Variants in GTPBP1 observed in about 807,000 individuals in gnomAD.
The protein encoded by GTPBP1 is GTP-binding protein 1.
A neutral mutation model predicts 62.0 loss-of-function variants in GTPBP1; 23 were observed. That is an observed-to-expected ratio of 0.37 (90% CI 0.27 to 0.53). GTPBP1 has a LOEUF of 0.53. Among genes scored for constraint, GTPBP1 ranks in the 20% least tolerant of loss-of-function variants. The pLI, the probability that GTPBP1 is intolerant of heterozygous loss-of-function variation, is 0.89. For synonymous variants in GTPBP1, 344 were observed against 364.4 expected, an observed-to-expected ratio of 0.94 and a Z score of 0.64; for missense variants, 640 against 917.3, an observed-to-expected ratio of 0.70 and a Z score of 3.90.
Position 38,730,790 on chromosome 22 carries a change from C to T in GTPBP1, c.*86C>T. ...AGATGGGCAGAGCAGCTATGACCGC[C>T]ACCCAGCCCTCCCGCTCAGGCCACA... On this transcript the variant is annotated 3_prime_UTR_variant, in exon 12 of 12. Transcript: ENST00000216044. The surrounding 1 kb of genome is among the most constrained non-coding windows in gnomAD (Gnocchi z 5.6). The T allele has an allele frequency of 2.8e-6, 2 of 711,708 alleles. No homozygotes were observed. Among genetic ancestry groups the T allele is most frequent in the East Asian group, 5.7e-5 (2 of 35,176 alleles). 44.1% of individuals were successfully genotyped at this position (711,708 alleles called of 1,614,324 possible). A position where few individuals can be genotyped will look rare whatever the true frequency, so the allele number is the denominator to read the frequency against.
At chr22:38,724,023 T>C (rs1189835387) in intron 5 of GTPBP1, among the ~76,000 whole-genome samples, 1 of 152,124 alleles carries the variant, frequency 6.6e-6, no homozygotes, top group African/African-American at 2.4e-5. Flanking sequence ...GTCACATGCT[T>C]ACAGGAGGCA....
intron 2 of GTPBP1, 96 bp from the exon 3 acceptor site, chr22:38,715,811 T>TG: frequency 1.1e-6 from 1 of 925,092 alleles, no homozygotes; most frequent in Non-Finnish European, 1.7e-6. Flanking sequence ...GGTCGGGGGG[T>TG]GGTGGCCTTT....
chr22:38,740,242 C>T, downstream of GTPBP1: 2 of 1,529,226 alleles, frequency 1.3e-6, no homozygotes, highest in East Asian at 2.4e-5. The surrounding 1 kb of genome is among the most constrained non-coding windows in gnomAD (Gnocchi z 4.8). Context: ...GAGGGACCAG[C>T]AGGGCCCTGG....
intron 4 of GTPBP1, among the ~76,000 whole-genome samples, chr22:38,720,872 A>G (rs774875245): frequency 4.6e-5 from 7 of 152,178 alleles, no homozygotes; most frequent in Non-Finnish European, 7.4e-5. Context: ...AGATGGGGAA[A>G]CTGAGGGCCA....
chr22:38,740,159 G>C, downstream of GTPBP1: 1 of 1,375,000 alleles, frequency 7.3e-7, no homozygotes, highest in Non-Finnish European at 9.6e-7. The surrounding 1 kb of genome is among the most constrained non-coding windows in gnomAD (Gnocchi z 4.8). Flanking sequence ...AGTCTCTTGG[G>C]CATAACAGAG....
Position 38,717,009 on chromosome 22 carries a change from G to T in GTPBP1, c.834+9G>T, listed in dbSNP as rs768486963. ...ACTTCTGCATGCTCATGGTGAGTGGGAGGCGCCCCAAGGAGGGGAGGCGTC... is the reference window on the plus strand; with the variant it reads ...ACTTCTGCATGCTCATGGTGAGTGGTAGGCGCCCCAAGGAGGGGAGGCGTC... On this transcript the variant is annotated intron_variant, in intron 4 of 11. Coordinates refer to ENST00000216044, the MANE Select transcript of GTPBP1 (RefSeq NM_004286.5). The T allele has an allele frequency of 1.3e-6, 2 of 1,573,854 alleles. No homozygotes were observed. Among genetic ancestry groups the T allele is most frequent in the South Asian group, 1.1e-5 (1 of 89,832 alleles).
rs2092766767 is a variant in GTPBP1, at chr22:38,732,580, C to A, written c.*1876C>A. ...AGCGGTCTGCACACCGTTAGCCACC[C>A]TGCCACCTCTGTGCCCTGGGCAGGC... On this transcript the variant is annotated 3_prime_UTR_variant, in exon 12 of 12. Coordinates refer to ENST00000216044, the MANE Select transcript of GTPBP1 (RefSeq NM_004286.5). 1 of 152,314 alleles carries A rather than the reference C, an allele frequency of 6.6e-6. No individual in the cohort carries two copies. Among genetic ancestry groups the A allele is most frequent in the African/African-American group, 2.4e-5 (1 of 41,468 alleles). The allele number at this position is 152,314 out of a possible 1,614,324, so 9.4% of individuals were successfully genotyped here.
Position 38,716,946 on chromosome 22 carries a change from G to C in GTPBP1, c.780G>C (p.Leu260=). 6.2e-7 allele frequency: 1 copy of C among 1,613,980 alleles called. No homozygotes were observed. The highest frequency in any genetic ancestry group is 8.5e-7 in the Non-Finnish European group (1 of 1,179,842). The part of the protein sequence containing the change: ...FIDLAGHEKY[L]KTTVFGMTGH... ...ACTTGGCTGGTCATGAGAAGTACCTGAAAACCACTGTCTTCGGCATGACAG... is the reference window on the plus strand; with the variant it reads ...ACTTGGCTGGTCATGAGAAGTACCTCAAAACCACTGTCTTCGGCATGACAG... Residue 260 remains leucine (L), a synonymous_variant, in exon 4 of 12, where the codon CTG becomes CTC. Transcript: ENST00000216044. This position sits in a 1 kb window ranked among gnomAD's most constrained non-coding sequence, Gnocchi z 5.2.
Position 38,731,050 on chromosome 22 carries a change from G to GTGTGTGTGTGTGTGT in GTPBP1, c.*346_*347insTGTGTGTGTGTGTGT. The GTGTGTGTGTGTGTGT allele has an allele frequency of 4.8e-6, 1 of 206,516 alleles. No homozygotes were observed. The highest frequency in any genetic ancestry group is 9.4e-5 in the South Asian group (1 of 10,682). The allele number at this position is 206,516 out of a possible 1,614,324, so 12.8% of individuals were successfully genotyped here. A position where few individuals can be genotyped will look rare whatever the true frequency, so the allele number is the denominator to read the frequency against. The stretch of plus-strand genomic sequence containing the variant: ...TGTGTGTGTGTGTGTGTGTGTGTGT[G>GTGTGTGTGTGTGTGT]GTGCAGGAGTGCCACCCCCAGGGCC... On this transcript the variant is annotated 3_prime_UTR_variant, in exon 12 of 12. Transcript: ENST00000216044.
downstream of GTPBP1, chr22:38,739,778 C>T (rs140381759): frequency 1.9e-5 from 31 of 1,613,678 alleles, no homozygotes; most frequent in African/African-American, 6.7e-5. This position sits in a 1 kb window ranked among gnomAD's most constrained non-coding sequence, Gnocchi z 6.7. Flanking sequence ...AGGGAGGCCG[C>T]GGCTTCCCTG....
chr22:38,722,464 G>C (rs1186766628), intron 5 of GTPBP1, among the ~76,000 whole-genome samples: 1 of 152,336 alleles, frequency 6.6e-6, no homozygotes, highest in East Asian at 1.9e-4. Flanking sequence ...TAAGACAGAA[G>C]AGTGTTTCTA....
downstream of GTPBP1, chr22:38,740,637 G>T (rs1287646589): frequency 1.2e-5 from 7 of 570,660 alleles, no homozygotes; most frequent in Non-Finnish European, 2.1e-5. This position sits in a 1 kb window ranked among gnomAD's most constrained non-coding sequence, Gnocchi z 4.8. Context: ...TTCTGAGCCT[G>T]CTCCCTTTCT....
intron 1 of GTPBP1, among the ~76,000 whole-genome samples, chr22:38,707,009 C>T (rs899762523): frequency 2.2e-5 from 3 of 138,572 alleles, no homozygotes; most frequent in South Asian, 2.3e-4. Flanking sequence ...CCTTTCCTGC[C>T]CTACCATCGA....
intron 10 of GTPBP1, 38 bp downstream of exon 10, chr22:38,728,199 A>G (rs1339358231): frequency 1.4e-6 from 2 of 1,426,286 alleles, no homozygotes; most frequent in Non-Finnish European, 2.0e-6. Context: ...TCCAGGAAGC[A>G]CCAGGGGCCA....
At chr22:38,738,319 TC>T, downstream of GTPBP1, 1 of 1,471,462 alleles carries the variant, frequency 6.8e-7, no homozygotes, top group Non-Finnish European at 9.4e-7. This position sits in a 1 kb window ranked among gnomAD's most constrained non-coding sequence, Gnocchi z 6.6. Context: ...AGAACACCCC[TC>T]CCCACTCCAA....
At chr22:38,711,513 T>C (rs2092639424) in intron 2 of GTPBP1, among the ~76,000 whole-genome samples, 1 of 152,210 alleles carries the variant, frequency 6.6e-6, no homozygotes, top group African/African-American at 2.4e-5. Flanking sequence ...GTTGCAGTAA[T>C]AATTTTTTTA....
downstream of GTPBP1, among the ~76,000 whole-genome samples, chr22:38,733,991 GTCA>G (rs1335404659): frequency 6.6e-6 from 1 of 152,230 alleles, no homozygotes; most frequent in Non-Finnish European, 1.5e-5. Flanking sequence ...CAGAGCAGGT[GTCA>G]GTGAAGGGGA....
chr22:38,742,425 G>C, downstream of GTPBP1: 1 of 1,613,456 alleles, frequency 6.2e-7, no homozygotes, highest in Non-Finnish European at 8.5e-7. Flanking sequence ...TCCCTGGCCA[G>C]GAGCCCCTTG....
chr22:38,729,381 G>A (rs2092743654), intron 10 of GTPBP1, 81 bp from the exon 11 acceptor site: 1 of 1,013,050 alleles, frequency 9.9e-7, no homozygotes, highest in South Asian at 1.7e-5. Context: ...TGTGGGAGAA[G>A]GGGGCTGAGG....
Sources: gnomAD v4.1 joint callset for allele counts (sites outside exome capture counted in the v4.1 genomes callset) on GRCh38, gnomAD v4.1.1 for gene constraint, Gnocchi (gnomAD v3.1) non-coding constraint, MANE v1.5 for transcripts, NCBI Gene and HGNC (gene_info 2026-07-23, HGNC 2026-07-21) for gene names.